The following TMEM167B variants were observed in gnomAD, a reference collection of about 807,000 sequenced individuals.
TMEM167B encodes transmembrane protein 167B.
Under a neutral mutation model 9.4 loss-of-function variants are expected in TMEM167B, and 2 were observed. That is an observed-to-expected ratio of 0.21 (90% CI 0.09 to 0.67). The LOEUF is 0.67. Among genes scored for constraint, TMEM167B ranks in the 30% least tolerant of loss-of-function variants. The pLI is 0.82. For missense variants in TMEM167B, 68 were observed against 87.6 expected (o/e 0.78, Z 0.89); for synonymous variants, 28 against 32.0 (o/e 0.87, Z 0.42).
rs986089621 is a variant in TMEM167B, at chr1:109,093,271, T to C, written c.142+250T>C. On this transcript the variant is annotated intron_variant, in intron 2 of 2. Coordinates refer to ENST00000338272, the MANE Select transcript of TMEM167B (RefSeq NM_020141.4). ...CTTTGGGGGGCCAAGGCAGGAGGATTGCTTGTGTCCAGGAGTTGTAGATCA... is the reference window on the plus strand; with the variant it reads ...CTTTGGGGGGCCAAGGCAGGAGGATCGCTTGTGTCCAGGAGTTGTAGATCA... 1.4e-5 allele frequency: 6 copies of C among 440,546 alleles called. No individual in the cohort carries two copies. In the South Asian group the frequency reaches 1.4e-4, roughly 11 times the overall value. 27.3% of individuals were successfully genotyped at this position (440,546 alleles called of 1,614,324 possible).
At chr1:109,091,881 T>A (rs985074706) in intron 1 of TMEM167B, 2 of 152,306 alleles carry the variant, frequency 1.3e-5, no homozygotes, top group African/African-American at 4.8e-5. Flanking sequence ...ACTGGTTATA[T>A]ATAATATTCA....
At position 109,096,858 on chromosome 1, in the gene TMEM167B, T is replaced by C. The variant is rs1272325977; in HGVS notation, c.*2359T>C. ...GCCAGGGTGGAATGAAGTCAGCTCC[T>C]TTTTATAGTTGAAATACAATTTTTT... On this transcript the variant is annotated 3_prime_UTR_variant, in exon 3 of 3. Transcript: ENST00000338272. 6.6e-6 allele frequency: 1 copy of C among 152,204 alleles called. No homozygotes were observed. Among genetic ancestry groups the C allele is most frequent in the African/African-American group, 2.4e-5 (1 of 41,450 alleles). The allele number at this position is 152,204 out of a possible 1,614,324, so 9.4% of individuals were successfully genotyped here. A position where few individuals can be genotyped will look rare whatever the true frequency, so the allele number is the denominator to read the frequency against.
chr1:109,090,916 T>A, intron 1 of TMEM167B, 34 bp downstream of exon 1: 1 of 1,575,246 alleles, frequency 6.3e-7, no homozygotes, highest in Non-Finnish European at 8.6e-7. Flanking sequence ...AGGGTGGGAG[T>A]GAAGGACGAA....
chr1:109,092,188 G>A (rs1664464932), intron 1 of TMEM167B, among the ~76,000 whole-genome samples: 1 of 152,096 alleles, frequency 6.6e-6, no homozygotes, highest in South Asian at 2.1e-4. Context: ...CTTTTTCTTT[G>A]TTTTAGAAAA....
chr1:109,091,612 G>T (rs879545798), intron 1 of TMEM167B: 2 of 152,222 alleles, frequency 1.3e-5, no homozygotes, highest in Non-Finnish European at 2.9e-5. Flanking sequence ...GCATTACGAT[G>T]ATTTGAGGGG....
intron 1 of TMEM167B, among the ~76,000 whole-genome samples, chr1:109,092,066 T>G (rs10494108): frequency 0.076 from 11,533 of 152,282 alleles, 497 homozygotes; most frequent in Non-Finnish European, 0.088. Context: ...ATCTTCTTGT[T>G]TTTTGCAATT....
Position 109,091,968 on chromosome 1 carries a change from A to G in TMEM167B, c.11-922A>G, listed in dbSNP as rs138613697. Among the ~76,000 whole-genome samples the G allele has an allele frequency of 5.1e-3, 784 of 152,350 alleles. 11 individuals carry two copies. The highest frequency in any genetic ancestry group is 0.047 in the South Asian group (226 of 4,828). ...AAAGGGAATTTACCCAGAGGAAGAC[A>G]GAATCTGAACCAGGAAGTAAGACAG... is the stretch of plus-strand genomic sequence containing the variant. On this transcript the variant is annotated intron_variant, in intron 1 of 2. Transcript: ENST00000338272.
chr1:109,092,998 G>A lies in TMEM167B; in HGVS notation c.119G>A (p.Gly40Asp). The A allele has an allele frequency of 1.2e-6, 2 of 1,614,148 alleles. No homozygotes were observed. The highest frequency in any genetic ancestry group is 1.7e-6 in the Non-Finnish European group (2 of 1,180,028). Residue 40 changes from glycine (G) to aspartate (D), a missense_variant, in exon 2 of 3, where the codon GGT becomes GAT. By Grantham distance (94) the Gly-to-Asp change is moderately conservative. Coordinates refer to ENST00000338272, the MANE Select transcript of TMEM167B (RefSeq NM_020141.4). ...ACCTGGCTGCTATCAGAGAAGAAGG[G>A]TGTTTGGGGTGTGTTTTACAAAGGT... ...LKTWLLSEKKGVWGVFYKAAV... is the reference protein window; with the variant it reads ...LKTWLLSEKKDVWGVFYKAAV...
In TMEM167B at chr1:109,092,996, G is replaced by T; in HGVS notation, c.117G>T (p.Lys39Asn). Reference sequence around the variant, plus strand: ...AAACCTGGCTGCTATCAGAGAAGAAGGGTGTTTGGGGTGTGTTTTACAAAG... The same window carrying T: ...AAACCTGGCTGCTATCAGAGAAGAATGGTGTTTGGGGTGTGTTTTACAAAG... ...RLKTWLLSEK[K>N]GVWGVFYKAA... Residue 39 changes from lysine (K) to asparagine (N), a missense_variant, in exon 2 of 3, where the codon AAG becomes AAT. Lys to Asn is a moderately conservative substitution (Grantham distance 94). Transcript: ENST00000338272. 1 of 1,614,160 alleles carries T rather than the reference G, an allele frequency of 6.2e-7. No individual in the cohort carries two copies.
intron 2 of TMEM167B, 127 bp downstream of exon 2, chr1:109,093,148 G>A: frequency 7.7e-7 from 1 of 1,303,118 alleles, no homozygotes; most frequent in Non-Finnish European, 1.0e-6. Flanking sequence ...CTCCGATTGG[G>A]TCTGAGAGTC....
At chr1:109,092,462 C>T (rs1374551814) in intron 1 of TMEM167B, among the ~76,000 whole-genome samples, 4 of 152,128 alleles carry the variant, frequency 2.6e-5, no homozygotes, top group African/African-American at 7.2e-5. Context: ...TCATATGTCT[C>T]AATCTATTGC....
intron 1 of TMEM167B, chr1:109,091,719 C>T (rs616378): frequency 0.19 from 29,655 of 152,172 alleles, 3,174 homozygotes; most frequent in African/African-American, 0.26. Flanking sequence ...TCTGCAGAAA[C>T]TTATGAGAGA....
intron 2 of TMEM167B, chr1:109,093,225 C>T (rs1030191858): frequency 3.1e-6 from 2 of 649,478 alleles, no homozygotes; most frequent in South Asian, 4.0e-5. Context: ...GGTGTGATGG[C>T]TCATGCCTAT....
chr1:109,091,213 G>A (rs1260340900), intron 1 of TMEM167B, among the ~76,000 whole-genome samples: 1 of 152,154 alleles, frequency 6.6e-6, no homozygotes, highest in Non-Finnish European at 1.5e-5. Context: ...GAAGAGAGAG[G>A]CTCCTCCTCC....
At chr1:109,091,057 C>T (rs982538899) in intron 1 of TMEM167B, among the ~76,000 whole-genome samples, 175 bp downstream of exon 1, 4 of 152,226 alleles carry the variant, frequency 2.6e-5, no homozygotes, top group Admixed American at 6.5e-5. Flanking sequence ...TCCCCCTTCC[C>T]ATATTCATCT....
chr1:109,093,447 G>A (rs1442640202), intron 2 of TMEM167B: 1 of 157,938 alleles, frequency 6.3e-6, no homozygotes, highest in Non-Finnish European at 1.4e-5. Flanking sequence ...AGCCATGGTG[G>A]AGCCACTGCA....
rs767508237 is a variant in TMEM167B at position 109,092,939 on chromosome 1, C to T, written c.60C>T (p.Thr20=). 6.2e-7 allele frequency: 1 copy of T among 1,613,986 alleles called. No homozygotes were observed. Among genetic ancestry groups the T allele is most frequent in the African/African-American group, 1.3e-5 (1 of 74,862 alleles). Residue 20 remains threonine, a synonymous_variant, in exon 2 of 3, where the codon ACC becomes ACT. Transcript: ENST00000338272. ...TGTTTGGTTTGCTCTTTGTTTGCAC[C>T]TGTGCCTACTTCAAGAAAGTACCTC... ...ILVFGLLFVC[T]CAYFKKVPRL...
chr1:109,093,231 C>T, intron 2 of TMEM167B: 1 of 608,184 alleles, frequency 1.6e-6, no homozygotes, highest in South Asian at 2.1e-5. Context: ...ATGGCTCATG[C>T]CTATAATCTC....
intron 1 of TMEM167B, 38 bp downstream of exon 1, chr1:109,090,920 G>A (rs1314402353): frequency 1.3e-6 from 2 of 1,571,624 alleles, no homozygotes; most frequent in African/African-American, 1.4e-5. Context: ...TGGGAGTGAA[G>A]GACGAAGGGA....
Sources: allele counts gnomAD v4.1 joint callset (sites outside exome capture counted in the v4.1 genomes callset), GRCh38; gene constraint gnomAD v4.1.1; transcripts MANE v1.5; gene names NCBI Gene and HGNC (gene_info 2026-07-23, HGNC 2026-07-21).